The following LPIN1 variants were observed in gnomAD, a reference collection of about 807,000 sequenced individuals.
LPIN1 encodes phosphatidate phosphatase LPIN1.
LPIN1 carries 71 observed loss-of-function variants against 107.5 expected under a neutral mutation model. That is an observed-to-expected ratio of 0.66 (90% CI 0.55 to 0.80). The LOEUF (loss-of-function observed/expected upper bound fraction) is 0.80, where lower values mean the gene tolerates loss of function less well. Among genes scored for constraint, LPIN1 ranks in the 30% least tolerant of loss-of-function variants. The pLI is 0.00. For synonymous variants in LPIN1, 445 were observed against 452.6 expected, an observed-to-expected ratio of 0.98 and a Z score of 0.21; for missense variants, 1,043 against 1,160.6, an observed-to-expected ratio of 0.90 and a Z score of 1.47.
Position 11,824,277 on chromosome 2 carries a change from A to T in LPIN1, c.2622-355A>T, listed in dbSNP as rs115397442. Among the ~76,000 whole-genome samples the T allele has an allele frequency of 8.9e-3, 1,352 of 151,378 alleles. 21 individuals are homozygous for T. Among genetic ancestry groups the T allele is most frequent in the African/African-American group, 0.031 (1,286 of 41,228 alleles). On this transcript the variant is annotated intron_variant, in intron 20 of 20. Transcript: ENST00000674199. ...GCTCCAAAGATGTGCCTTGTCTGTG[A>T]TTCTTCCCCCGATGTCCCATATGTG...
At chr2:11,724,515 A>G (rs1415477953) in exon 1 of LPIN1, 1 of 985,564 alleles carries the variant, frequency 1.0e-6, no homozygotes, top group Non-Finnish European at 1.2e-6. Flanking sequence ...TCAGAAGAAA[A>G]AGGAGAATCC....
intron 1 of LPIN1, among the ~76,000 whole-genome samples, chr2:11,749,497 T>G (rs1034627776): frequency 6.6e-6 from 1 of 152,168 alleles, no homozygotes; most frequent in Non-Finnish European, 1.5e-5. Context: ...CTACCTGTAA[T>G]TCACCCCAAC....
intron 12 of LPIN1, among the ~76,000 whole-genome samples, chr2:11,789,267 TTG>T (rs143296871): frequency 4.0e-5 from 6 of 151,440 alleles, no homozygotes; most frequent in Admixed American, 6.6e-5. Context: ...CTTCCTGGGT[TTG>T]TGTGTGTGTG....
chr2:11,822,679 G>A (rs1359152106), intron 20 of LPIN1, among the ~76,000 whole-genome samples: 3 of 152,160 alleles, frequency 2.0e-5, no homozygotes, highest in Non-Finnish European at 4.4e-5. Flanking sequence ...CCCACAACAC[G>A]TGGGAATTCA....
chr2:11,713,760 C>T, exon 2 of LPIN1: 2 of 1,506,298 alleles, frequency 1.3e-6, no homozygotes, highest in Non-Finnish European at 1.8e-6. Flanking sequence ...TTTCAGATTC[C>T]AATAATGAGA....
chr2:11,797,363 G>A (rs1191393321), intron 14 of LPIN1, among the ~76,000 whole-genome samples: 3 of 152,234 alleles, frequency 2.0e-5, no homozygotes. Flanking sequence ...ATGATCCAGA[G>A]TGCAGAAACC....
chr2:11,733,647 A>T (rs770976124), intron 1 of LPIN1, among the ~76,000 whole-genome samples: 11 of 152,010 alleles, frequency 7.2e-5, no homozygotes, highest in Non-Finnish European at 1.5e-4. Flanking sequence ...GTGCACAACG[A>T]CGCCTGGATA....
intron 14 of LPIN1, 26 bp from the exon 15 acceptor site, chr2:11,802,881 G>A (rs1678005664): frequency 6.2e-7 from 1 of 1,611,394 alleles, no homozygotes; most frequent in African/African-American, 1.3e-5. Flanking sequence ...TTTTCTAATT[G>A]GTGATGACAT....
rs374837418 is a variant in LPIN1, at chr2:11,786,214, C to T, written c.1550-860C>T. ...GAGTCCCCGGAGGTCCTGATTAGGG[C>T]TCTGAGGGTGCATGTTGAAGCCAGT... On this transcript the variant is annotated intron_variant, in intron 10 of 20. Coordinates refer to ENST00000674199, the MANE Select transcript of LPIN1 (RefSeq NM_001349206.2). This position sits in a 1 kb window ranked among gnomAD's most constrained non-coding sequence, Gnocchi z 4.1. Among the ~76,000 whole-genome samples, 2 of 152,252 alleles carry T rather than the reference C, an allele frequency of 1.3e-5. No individual in the cohort carries two copies. Among genetic ancestry groups the T allele is most frequent in the East Asian group, 1.9e-4 (1 of 5,176 alleles).
chr2:11,778,980 A>T (rs1039333789), intron 6 of LPIN1, among the ~76,000 whole-genome samples: 37 of 152,176 alleles, frequency 2.4e-4, no homozygotes, highest in African/African-American at 8.7e-4. Context: ...AACGTTATCG[A>T]GTTTATTTGT....
At chr2:11,805,591 G>GCACA (rs1678537270) in intron 17 of LPIN1, 1 of 314,034 alleles carries the variant, frequency 3.2e-6, no homozygotes, top group Non-Finnish European at 6.2e-6. Context: ...AACCAGCAGG[G>GCACA]CACATCATGT....
rs1572821800 is a variant in LPIN1, at chr2:11,786,648, A to T, written c.1550-426A>T. On this transcript the variant is annotated intron_variant, in intron 10 of 20. Coordinates refer to ENST00000674199, the MANE Select transcript of LPIN1 (RefSeq NM_001349206.2). This position sits in a 1 kb window ranked among gnomAD's most constrained non-coding sequence, Gnocchi z 4.1. ...ACCCTAGGAAGCAGATGTGGTTATT[A>T]TCCCCATGCTAGAGGAGGGAACTGG... Among the ~76,000 whole-genome samples the T allele has an allele frequency of 6.6e-6, 1 of 152,286 alleles. No homozygotes were observed. Among genetic ancestry groups the T allele is most frequent in the African/African-American group, 2.4e-5 (1 of 41,552 alleles).
Position 11,826,169 on chromosome 2 carries a change from C to T in LPIN1, c.*1378C>T, listed in dbSNP as rs1465462962. 4 of 152,526 alleles carry T rather than the reference C, an allele frequency of 2.6e-5. No individual in the cohort carries two copies. The highest frequency in any genetic ancestry group is 4.4e-5 in the Non-Finnish European group (3 of 68,014). The allele number at this position is 152,526 out of a possible 1,614,324, so 9.4% of individuals were successfully genotyped here. ...GAGTGTTTTACTCCAACGATTGAAA[C>T]ATTTTCCTATTTAAATTTCATTGTT... On this transcript the variant is annotated 3_prime_UTR_variant, in exon 21 of 21. Coordinates refer to ENST00000674199, the MANE Select transcript of LPIN1 (RefSeq NM_001349206.2).
intron 17 of LPIN1, chr2:11,805,475 T>C (rs1029544644): frequency 2.1e-6 from 1 of 472,434 alleles, no homozygotes. Context: ...AGGTAGCCAG[T>C]TGAAGAAATA....
intron 1 of LPIN1, among the ~76,000 whole-genome samples, chr2:11,705,981 C>T (rs61153226): frequency 2.0e-5 from 3 of 152,002 alleles, no homozygotes; most frequent in African/African-American, 7.3e-5. Context: ...CTTGTGATAG[C>T]GAATGAATCT....
At chr2:11,808,491 T>C (rs889104531) in intron 17 of LPIN1, among the ~76,000 whole-genome samples, 1 of 152,162 alleles carries the variant, frequency 6.6e-6, no homozygotes, top group South Asian at 2.1e-4. Context: ...GCCGTTTACA[T>C]GAGGGTTTGT....
chr2:11,711,441 C>T (rs1663410126), intron 1 of LPIN1, among the ~76,000 whole-genome samples: 1 of 152,204 alleles, frequency 6.6e-6, no homozygotes, highest in East Asian at 1.9e-4. Flanking sequence ...AATCCTATAA[C>T]ACACATCTGC....
At position 11,787,626 on chromosome 2, in the gene LPIN1, C is replaced by G. The variant is rs79746027; in HGVS notation, c.1643+459C>G. Among the ~76,000 whole-genome samples, 781 of 151,952 alleles carry G rather than the reference C, an allele frequency of 5.1e-3. 5 individuals carry two copies. Among genetic ancestry groups the G allele is most frequent in the African/African-American group, 0.018 (726 of 41,460 alleles). ...CAGTACATGGGTATGTCAGAGTAGC[C>G]TACATCTCTACCCTTTTGAAAAACT... On this transcript the variant is annotated intron_variant, in intron 11 of 20. Coordinates refer to ENST00000674199, the MANE Select transcript of LPIN1 (RefSeq NM_001349206.2).
chr2:11,818,904 C>T (rs913339245), intron 18 of LPIN1: 1 of 151,518 alleles, frequency 6.6e-6, no homozygotes, highest in Non-Finnish European at 1.5e-5. Flanking sequence ...TATCAAATAC[C>T]CTTTTTGTAT....
Sources: allele counts gnomAD v4.1 joint callset (sites outside exome capture counted in the v4.1 genomes callset), GRCh38; gene constraint gnomAD v4.1.1; non-coding constraint Gnocchi (gnomAD v3.1); transcripts MANE v1.5; gene names NCBI Gene and HGNC (gene_info 2026-07-23, HGNC 2026-07-21).